Variants in TMEM39A observed in about 807,000 individuals in gnomAD.
TMEM39A encodes transmembrane protein 39A, also known as suppressor of SQST-1 aggregates in rpl-43 mutants.
Under a neutral mutation model 51.9 loss-of-function variants are expected in TMEM39A, and 19 were observed. That is an observed-to-expected ratio of 0.37 (90% CI 0.26 to 0.54). The LOEUF (loss-of-function observed/expected upper bound fraction) is 0.54, where lower values mean the gene tolerates loss of function less well. Ranked by LOEUF, TMEM39A falls within the 20% of genes least tolerant of loss-of-function variation. TMEM39A has a pLI of 0.88. For synonymous variants in TMEM39A, 197 were observed against 220.2 expected, an observed-to-expected ratio of 0.89 and a Z score of 0.93; for missense variants, 433 against 590.5, an observed-to-expected ratio of 0.73 and a Z score of 2.76.
At chr3:119,457,904 A>T (rs2081287323) in intron 3 of TMEM39A, 114 bp downstream of exon 3, 1 of 733,434 alleles carries the variant, frequency 1.4e-6, no homozygotes, top group South Asian at 2.1e-5. Flanking sequence ...GGCCTAGCAG[A>T]AAAACATTTT....
chr3:119,434,678 T>C (rs2107658146), intron 8 of TMEM39A, 84 bp downstream of exon 8: 1 of 1,544,302 alleles, frequency 6.5e-7, no homozygotes, highest in Non-Finnish European at 8.8e-7. Context: ...ATGTGCTACA[T>C]GCTATGCTAC....
At chr3:119,449,160 A>G (rs2081165941) in intron 4 of TMEM39A, among the ~76,000 whole-genome samples, 1 of 151,514 alleles carries the variant, frequency 6.6e-6, no homozygotes, top group Non-Finnish European at 1.5e-5. Context: ...TATTCATAAC[A>G]TTATGTTAAT....
At position 119,437,857 on chromosome 3, in the gene TMEM39A, T is replaced by C. The variant is rs1026232377; in HGVS notation, c.822A>G (p.Val274=). 1 of 1,611,918 alleles carries C rather than the reference T, an allele frequency of 6.2e-7. No individual in the cohort carries two copies. The highest frequency in any genetic ancestry group is 8.5e-7 in the Non-Finnish European group (1 of 1,178,200). Residue 274 remains valine, a synonymous_variant, in exon 6 of 9, where the codon GTA becomes GTG. Coordinates refer to ENST00000319172, the MANE Select transcript of TMEM39A (RefSeq NM_018266.3). ...GGTTGAAATCTGCTTTCAGACATTC[T>C]ACTTCATTGCGAATGAGGTCTGGAG... is the stretch of plus-strand genomic sequence containing the variant. ...PLSPDLIRNE[V]ECLKADFNHR... is the part of the protein sequence containing the mutation.
chr3:119,432,127 G>A lies in TMEM39A; in HGVS notation c.1321C>T (p.Arg441Trp), dbSNP rs766207966. Residue 441 changes from arginine to tryptophan, a missense_variant, in exon 9 of 9, where the codon CGG becomes TGG. Transcript: ENST00000319172. ...AGTGTGTGGTTCCACTTCTCCGACCGCAGCAAGGAATAGAGCTGATAGAAG... is the reference window on the plus strand; with the variant it reads ...AGTGTGTGGTTCCACTTCTCCGACCACAGCAAGGAATAGAGCTGATAGAAG... Reference protein sequence around the residue: ...VVFYQLYSLLRSEKWNHTLSM... With the variant: ...VVFYQLYSLLWSEKWNHTLSM... 8 of 1,613,214 alleles carry A rather than the reference G, an allele frequency of 5.0e-6. No individual in the cohort carries two copies. In the East Asian group the frequency reaches 6.7e-5, roughly 13 times the overall value.
In TMEM39A at chr3:119,463,610, G is replaced by A. The variant is rs908289847; in HGVS notation, c.-349C>T. 2 of 398,648 alleles carry A rather than the reference G, an allele frequency of 5.0e-6. No individual in the cohort carries two copies. The highest frequency in any genetic ancestry group is 6.2e-4 in the Middle Eastern group (1 of 1,614). The allele number at this position is 398,648 out of a possible 1,614,324, so 24.7% of individuals were successfully genotyped here. ...CCCATCCCTAGCCTCCATTACCGCG[G>A]AGCTGAGCAGACGTGGCAGCGCACG... is the stretch of plus-strand genomic sequence containing the variant. On this transcript the variant is annotated 5_prime_UTR_variant, in exon 1 of 9. Coordinates refer to ENST00000319172, the MANE Select transcript of TMEM39A (RefSeq NM_018266.3).
At chr3:119,454,645 C>A (rs568368551) in intron 3 of TMEM39A, among the ~76,000 whole-genome samples, 31 of 152,206 alleles carry the variant, frequency 2.0e-4, no homozygotes, top group African/African-American at 7.5e-4. Flanking sequence ...CAAAAATTAG[C>A]TGGGCATGGT....
chr3:119,429,432 C>T lies in TMEM39A; in HGVS notation c.*2549G>A, dbSNP rs1020526916. 3.9e-5 allele frequency: 6 copies of T among 151,972 alleles called. No homozygotes were observed. The highest frequency in any genetic ancestry group is 8.8e-5 in the Non-Finnish European group (6 of 67,956). The allele number at this position is 151,972 out of a possible 1,614,324, so 9.4% of individuals were successfully genotyped here. ...TATCTTCTTTCCTTTTCCAGTATCC[C>T]AGTTCACCCAACTGAACTTTTGCTA... On this transcript the variant is annotated 3_prime_UTR_variant, in exon 9 of 9. Coordinates refer to ENST00000319172, the MANE Select transcript of TMEM39A (RefSeq NM_018266.3).
intron 3 of TMEM39A, among the ~76,000 whole-genome samples, chr3:119,454,191 C>A (rs538340771): frequency 2.0e-5 from 3 of 152,070 alleles, no homozygotes; most frequent in Non-Finnish European, 4.4e-5. Flanking sequence ...GCTTTTAATT[C>A]GAGTGAAAAA....
intron 7 of TMEM39A, chr3:119,435,492 GA>G (rs1305641021): frequency 2.0e-6 from 2 of 984,508 alleles, no homozygotes; most frequent in Non-Finnish European, 2.4e-6. Context: ...TTCTCTGGGG[GA>G]AAAGAAGTTA....
chr3:119,439,041 A>G (rs918213102), intron 5 of TMEM39A, among the ~76,000 whole-genome samples: 3 of 152,174 alleles, frequency 2.0e-5, no homozygotes, highest in African/African-American at 7.2e-5. Flanking sequence ...TATGCAATAA[A>G]CTTCTCATTA....
chr3:119,447,837 T>C (rs1447631814), intron 4 of TMEM39A, among the ~76,000 whole-genome samples: 1 of 152,042 alleles, frequency 6.6e-6, no homozygotes, highest in Non-Finnish European at 1.5e-5. Flanking sequence ...TTGGCCAGGA[T>C]TGTCCTAACT....
rs927645186 is a variant in TMEM39A, at chr3:119,430,363, C to G, written c.*1618G>C. On this transcript the variant is annotated 3_prime_UTR_variant, in exon 9 of 9. Transcript: ENST00000319172. ...CTATTCTTACCACTATTTCCTTGTCCTGATTTCCCTTTGCTACACTTATCA... is the reference window on the plus strand; with the variant it reads ...CTATTCTTACCACTATTTCCTTGTCGTGATTTCCCTTTGCTACACTTATCA... 1.3e-5 allele frequency: 2 copies of G among 152,040 alleles called. No individual in the cohort carries two copies. The highest frequency in any genetic ancestry group is 2.9e-5 in the Non-Finnish European group (2 of 67,976). 9.4% of individuals were successfully genotyped at this position (152,040 alleles called of 1,614,324 possible).
chr3:119,461,186 G>A (rs182821524), intron 2 of TMEM39A, among the ~76,000 whole-genome samples: 42 of 152,170 alleles, frequency 2.8e-4, no homozygotes, highest in African/African-American at 9.4e-4. Context: ...TATGAGAATC[G>A]GAGACTGGAA....
At chr3:119,435,629 GGTTA>G (rs2080958998) in intron 7 of TMEM39A, 19 of 983,752 alleles carry the variant, frequency 1.9e-5, no homozygotes, top group Non-Finnish European at 2.3e-5. Context: ...ATTTTGGAAA[GGTTA>G]GTTTCCTAGG....
intron 3 of TMEM39A, among the ~76,000 whole-genome samples, chr3:119,453,094 C>T (rs529248341): frequency 6.6e-6 from 1 of 152,268 alleles, no homozygotes; most frequent in South Asian, 2.1e-4. Flanking sequence ...GTCTACAGTT[C>T]CTTCTAGTTC....
chr3:119,457,261 C>G (rs571797216), intron 3 of TMEM39A, among the ~76,000 whole-genome samples: 1 of 152,168 alleles, frequency 6.6e-6, no homozygotes, highest in South Asian at 2.1e-4. Flanking sequence ...TGAGCCACCG[C>G]GCCCGGCCTA....
chr3:119,430,858 A>C lies in TMEM39A; in HGVS notation c.*1123T>G, dbSNP rs2080889216. 6.6e-6 allele frequency: 1 copy of C among 152,174 alleles called. No homozygotes were observed. The highest frequency in any genetic ancestry group is 1.5e-5 in the Non-Finnish European group (1 of 68,008). 9.4% of individuals were successfully genotyped at this position (152,174 alleles called of 1,614,324 possible). On this transcript the variant is annotated 3_prime_UTR_variant, in exon 9 of 9. Transcript: ENST00000319172. ...CAGTGTAACAAACCAAACTCAGCAC[A>C]GAAAACATATGACAATATATTTTAG...
At chr3:119,450,483 A>G (rs1304784228) in intron 4 of TMEM39A, among the ~76,000 whole-genome samples, 1 of 152,210 alleles carries the variant, frequency 6.6e-6, no homozygotes, top group Admixed American at 6.5e-5. Context: ...AGACTTTGAT[A>G]AAACGATGTT....
intron 4 of TMEM39A, among the ~76,000 whole-genome samples, chr3:119,448,106 T>A (rs922462371): frequency 2.6e-5 from 4 of 152,230 alleles, no homozygotes; most frequent in Admixed American, 2.6e-4. Flanking sequence ...CTTTGACAGA[T>A]CCCTATATAA....
Sources: allele counts gnomAD v4.1 joint callset (sites outside exome capture counted in the v4.1 genomes callset), GRCh38; gene constraint gnomAD v4.1.1; transcripts MANE v1.5; gene names NCBI Gene and HGNC (gene_info 2026-07-23, HGNC 2026-07-21).